Variants in LSAMP observed in about 807,000 individuals in gnomAD.
LSAMP encodes the protein limbic system associated membrane protein.
In LSAMP, 7 loss-of-function variants were observed where a neutral mutation model predicts 38.6. The ratio of observed to expected loss-of-function variants is 0.18; its 90% CI spans 0.10 to 0.34. The LOEUF (loss-of-function observed/expected upper bound fraction) is 0.34. LSAMP is among the 10% of genes least tolerant of loss of function. The pLI, the probability that LSAMP is intolerant of heterozygous loss-of-function variation, is 1.00. For synonymous variants in LSAMP, 154 were observed against 166.8 expected (o/e 0.92, Z 0.59); for missense variants, 313 against 420.0 (o/e 0.75, Z 2.23).
intron 1 of LSAMP, among the ~76,000 whole-genome samples, chr3:116,414,538 C>T (rs1000392499): frequency 1.3e-5 from 2 of 152,096 alleles, no homozygotes. Context: ...ACAGAGCAAT[C>T]GTCCAACGTT....
intron 3 of LSAMP, among the ~76,000 whole-genome samples, chr3:115,959,888 C>T (rs896406104): frequency 2.0e-5 from 3 of 151,950 alleles, no homozygotes; most frequent in South Asian, 2.1e-4. Context: ...CATGGGATTT[C>T]GATGATCTGA....
At chr3:115,851,615 C>T (rs1250180817) in intron 4 of LSAMP, among the ~76,000 whole-genome samples, 2 of 152,164 alleles carry the variant, frequency 1.3e-5, no homozygotes, top group Non-Finnish European at 2.9e-5. Flanking sequence ...GATGTTTGTA[C>T]ATGTATGCCT....
chr3:116,317,025 T>A (rs565352692), intron 1 of LSAMP, among the ~76,000 whole-genome samples: 1 of 152,194 alleles, frequency 6.6e-6, no homozygotes, highest in East Asian at 1.9e-4. Context: ...TTTCTGCAGC[T>A]AGCTAGAGGT....
At chr3:116,351,172 G>C (rs866189142) in intron 1 of LSAMP, among the ~76,000 whole-genome samples, 2 of 151,904 alleles carry the variant, frequency 1.3e-5, no homozygotes, top group Non-Finnish European at 2.9e-5. Flanking sequence ...GTTCGGATTT[G>C]GGGGAGTAGA....
At chr3:116,007,394 T>C (rs1192506174) in intron 3 of LSAMP, among the ~76,000 whole-genome samples, 1 of 152,216 alleles carries the variant, frequency 6.6e-6, no homozygotes, top group African/African-American at 2.4e-5. Flanking sequence ...TTGAATTACC[T>C]ATTGAGGTTC....
In LSAMP at chr3:115,805,594, C is replaced by T. The variant is rs1229356523; in HGVS notation, c.*4723G>A. The T allele has an allele frequency of 6.6e-6, 1 of 152,150 alleles. No homozygotes were observed. Among genetic ancestry groups the T allele is most frequent in the Non-Finnish European group, 1.5e-5 (1 of 68,024 alleles). 9.4% of individuals were successfully genotyped at this position (152,150 alleles called of 1,614,324 possible). A position where few individuals can be genotyped will look rare whatever the true frequency, so the allele number is the denominator to read the frequency against. On this transcript the variant is annotated 3_prime_UTR_variant, in exon 7 of 7. Transcript: ENST00000490035. Reference sequence around the variant, plus strand: ...TTTAAAATAAGTTTTCCATAATATTCATAAACATTTTCGCTGGTGTAAATG... The same window carrying T: ...TTTAAAATAAGTTTTCCATAATATTTATAAACATTTTCGCTGGTGTAAATG...
intron 1 of LSAMP, among the ~76,000 whole-genome samples, chr3:116,111,992 A>AG (rs1439279827): frequency 6.6e-6 from 1 of 152,256 alleles, no homozygotes; most frequent in Non-Finnish European, 1.5e-5. Context: ...TTAGGTAGGT[A>AG]GGACAGCTCC....
At chr3:115,916,672 G>A (rs1437445932) in intron 3 of LSAMP, among the ~76,000 whole-genome samples, 1 of 152,084 alleles carries the variant, frequency 6.6e-6, no homozygotes, top group Non-Finnish European at 1.5e-5. Context: ...TATTTCTTGA[G>A]TAAAGAAACA....
chr3:115,850,260 G>C lies in LSAMP; in HGVS notation c.649+2223C>G, dbSNP rs76395320. Among the ~76,000 whole-genome samples, 424 of 152,294 alleles carry C rather than the reference G, an allele frequency of 2.8e-3. 3 individuals carry two copies. The highest frequency in any genetic ancestry group is 9.8e-3 in the African/African-American group (407 of 41,550). ...CACTAATAATAATAGGACCCAGGTG[G>C]CTAGCTTTGATCTTGGGAACCATCT... On this transcript the variant is annotated intron_variant, in intron 4 of 6. Coordinates refer to ENST00000490035, the MANE Select transcript of LSAMP (RefSeq NM_002338.5).
At chr3:116,385,245 A>G (rs1415521089) in intron 1 of LSAMP, among the ~76,000 whole-genome samples, 1 of 152,152 alleles carries the variant, frequency 6.6e-6, no homozygotes, top group Non-Finnish European at 1.5e-5. Context: ...GATATTTCCC[A>G]TATTCTGGAT....
At chr3:115,828,937 A>C (rs1934518170) in intron 6 of LSAMP, among the ~76,000 whole-genome samples, 1 of 152,200 alleles carries the variant, frequency 6.6e-6, no homozygotes, top group South Asian at 2.1e-4. Context: ...GCAGATCCAG[A>C]TTCGAAAACC....
chr3:116,240,326 G>C (rs1232026302), intron 1 of LSAMP, among the ~76,000 whole-genome samples: 4 of 152,136 alleles, frequency 2.6e-5, no homozygotes, highest in Admixed American at 2.0e-4. Flanking sequence ...AGTGGACCTG[G>C]ATCTGCAGCT....
chr3:116,133,972 A>G (rs1480338587), intron 1 of LSAMP, among the ~76,000 whole-genome samples: 2 of 152,074 alleles, frequency 1.3e-5, no homozygotes, highest in Non-Finnish European at 2.9e-5. Context: ...GGAACAAACT[A>G]TTTTTCCAGT....
At chr3:116,209,759 T>TATTG (rs200418965) in intron 1 of LSAMP, among the ~76,000 whole-genome samples, 2,129 of 152,210 alleles carry the variant, frequency 0.014, 47 homozygotes, top group Non-Finnish European at 0.018. Context: ...TTTATTTATT[T>TATTG]ATTTATTTTT....
At chr3:115,914,948 G>C (rs1424534296) in intron 3 of LSAMP, among the ~76,000 whole-genome samples, 2 of 152,106 alleles carry the variant, frequency 1.3e-5, no homozygotes, top group Admixed American at 6.6e-5. Flanking sequence ...GACTCCAAAG[G>C]GGGTGCAAGA....
intron 1 of LSAMP, among the ~76,000 whole-genome samples, chr3:116,224,799 T>C (rs994344785): frequency 1.3e-5 from 2 of 152,214 alleles, no homozygotes; most frequent in Non-Finnish European, 2.9e-5. Flanking sequence ...TGAGGTCATG[T>C]TACTCTGTGA....
chr3:116,294,530 A>AT (rs962710205), intron 1 of LSAMP, among the ~76,000 whole-genome samples: 3 of 151,994 alleles, frequency 2.0e-5, no homozygotes, highest in Non-Finnish European at 2.9e-5. Context: ...AAGAACAAAG[A>AT]TTTTTTTTGG....
At chr3:116,043,568 A>G (rs1319263308) in intron 2 of LSAMP, among the ~76,000 whole-genome samples, 1 of 152,220 alleles carries the variant, frequency 6.6e-6, no homozygotes. Flanking sequence ...GACACCACTA[A>G]GTTAGCTTGC....
chr3:115,957,492 A>G (rs1938490352), intron 3 of LSAMP, among the ~76,000 whole-genome samples: 1 of 152,134 alleles, frequency 6.6e-6, no homozygotes, highest in African/African-American at 2.4e-5. Flanking sequence ...ACCCCAGTGC[A>G]GCTGTGGCAA....
Sources: gnomAD v4.1 joint callset for allele counts (sites outside exome capture counted in the v4.1 genomes callset) on GRCh38, gnomAD v4.1.1 for gene constraint, MANE v1.5 for transcripts, NCBI Gene and HGNC (gene_info 2026-07-23, HGNC 2026-07-21) for gene names.